The following USP11 variants were observed in gnomAD, a reference collection of about 807,000 sequenced individuals.
The protein encoded by USP11 is ubiquitin carboxyl-terminal hydrolase 11.
Under a neutral mutation model 72.8 loss-of-function variants are expected in USP11, and 5 were observed. The ratio of observed to expected loss-of-function variants is 0.07; its 90% CI spans 0.04 to 0.14. The LOEUF is 0.14. Ranked by LOEUF, USP11 falls within the 10% of genes least tolerant of loss-of-function variation. The pLI is 1.00. For synonymous variants in USP11, 368 were observed against 326.5 expected, an observed-to-expected ratio of 1.13 and a Z score of -1.37; for missense variants, 480 against 794.7, an observed-to-expected ratio of 0.60 and a Z score of 4.76.
intron 19 of USP11, 66 bp downstream of exon 19, chrX:47,247,485 C>A (rs749563878): frequency 2.7e-5 from 32 of 1,170,096 alleles, no homozygotes; most frequent in Non-Finnish European, 3.7e-5. Context: ...TCAGGACCTT[C>A]CCAGTGAGTG....
rs745604815 is a variant in USP11, at chrX:47,247,644, A to G, written c.2570A>G (p.Gln857Arg). The change falls in exon 20 of 21, where the codon CAG (glutamine) becomes CGG (arginine). Residue 857 changes from glutamine to arginine, a missense_variant. Coordinates refer to ENST00000377107, the MANE Select transcript of USP11 (RefSeq NM_001371072.1). Reference protein sequence around the residue: ...TTFACNKDSGQWHYFDDNSVS... With the variant: ...TTFACNKDSGRWHYFDDNSVS... ...TTTGCCTGCAACAAGGACAGCGGCC[A>G]GTGGCACTACTTTGATGACAACAGC... The G allele has an allele frequency of 1.7e-6, 2 of 1,211,497 alleles. No individual in the cohort carries two copies. The highest frequency in any genetic ancestry group is 4.3e-5 in the Admixed American group (2 of 45,988).
intron 9 of USP11, 113 bp downstream of exon 9, chrX:47,241,812 T>TAC: frequency 1.1e-6 from 1 of 934,565 alleles, no homozygotes; most frequent in Non-Finnish European, 1.4e-6. Context: ...TAAGTTTCTC[T>TAC]ACCTGACCTC....
At position 47,241,024 on chromosome X, in the gene USP11, A is replaced by T. The variant is rs1207312031; in HGVS notation, c.846+148A>T. The stretch of plus-strand genomic sequence containing the variant: ...CCCACAAGTCTGAAGTGGCACGCCC[A>T]CGTTCATTCCTGAACTATCAGCCTC... On this transcript the variant is annotated intron_variant, in intron 7 of 20. Transcript: ENST00000377107. 2.0e-5 allele frequency: 12 copies of T among 605,306 alleles called. No individual in the cohort carries two copies. In the East Asian group the frequency reaches 3.9e-4, roughly 20 times the overall value. 49.9% of individuals were successfully genotyped at this position (605,306 alleles called of 1,213,427 possible).
intron 13 of USP11, 99 bp from the exon 14 acceptor site, chrX:47,244,399 T>G: frequency 1.0e-6 from 1 of 991,834 alleles, no homozygotes; most frequent in South Asian, 2.2e-5. Flanking sequence ...GGTTTACATG[T>G]GGATCTACCA....
intron 17 of USP11, 77 bp downstream of exon 17, chrX:47,245,559 T>C: frequency 1.0e-5 from 7 of 688,451 alleles, no homozygotes; most frequent in Non-Finnish European, 1.5e-5. Flanking sequence ...TTTTTTTTTT[T>C]TTGAGACAGA....
In USP11 at chrX:47,248,002, C is replaced by T. The variant is rs193090530; in HGVS notation, c.*72C>T. The T allele has an allele frequency of 2.1e-5, 23 of 1,119,626 alleles. No individual in the cohort carries two copies. Among genetic ancestry groups the T allele is most frequent in the Admixed American group, 1.8e-4 (5 of 27,184 alleles). The allele number at this position is 1,119,626 out of a possible 1,213,427, so 92.3% of individuals were successfully genotyped here. On this transcript the variant is annotated 3_prime_UTR_variant, in exon 21 of 21. Transcript: ENST00000377107. ...GCAATCTCGCTTCTCGTGTCCGCCC[C>T]GCTTCTCTTATTCGTGTTAGGTGCC...
chrX:47,234,423 G>A (rs775289561), intron 1 of USP11, among the ~76,000 whole-genome samples: 3 of 112,111 alleles, frequency 2.7e-5, no homozygotes, highest in Non-Finnish European at 5.6e-5. Flanking sequence ...AAACGTCGGT[G>A]AAATTTTATT....
rs781592315 is a variant in USP11 at position 47,241,190 on chromosome X, C to T, written c.847-87C>T. 2.9e-6 allele frequency: 3 copies of T among 1,028,318 alleles called. No individual in the cohort carries two copies. The East Asian group carries it at 9.3e-5, about 32-fold the overall frequency. The allele number at this position is 1,028,318 out of a possible 1,213,427, so 84.7% of individuals were successfully genotyped here. A position where few individuals can be genotyped will look rare whatever the true frequency, so the allele number is the denominator to read the frequency against. On this transcript the variant is annotated intron_variant, in intron 7 of 20. Transcript: ENST00000377107. ...CCCCTTCTCTCTTGTTTTCCTCTCT[C>T]TTTCCTCCTGGCTTCTTTTTGTGTA...
intron 10 of USP11, 30 bp downstream of exon 10, chrX:47,242,336 A>C (rs753383718): frequency 1.7e-6 from 2 of 1,205,385 alleles, no homozygotes; most frequent in South Asian, 1.8e-5. Flanking sequence ...TGGGGAGATG[A>C]TGATGGACAC....
chrX:47,242,333 A>G (rs760654912), intron 10 of USP11, 27 bp downstream of exon 10: 17 of 1,203,725 alleles, frequency 1.4e-5, no homozygotes, highest in Non-Finnish European at 1.8e-5. Flanking sequence ...GCCTGGGGAG[A>G]TGATGATGGA....
In USP11 at chrX:47,248,101, A is replaced by C; in HGVS notation, c.*171A>C. 1 of 758,400 alleles carries C rather than the reference A, an allele frequency of 1.3e-6. No homozygotes were observed. The highest frequency in any genetic ancestry group is 2.9e-5 in the South Asian group (1 of 34,149). The allele number at this position is 758,400 out of a possible 1,213,427, so 62.5% of individuals were successfully genotyped here. On this transcript the variant is annotated 3_prime_UTR_variant, in exon 21 of 21. Coordinates refer to ENST00000377107, the MANE Select transcript of USP11 (RefSeq NM_001371072.1). ...CTGCATCGCTCTCTCCCGGGAAAGA[A>C]CAGGTCGTGTCTCCTCCTAGCAGTG...
Position 47,240,361 on chromosome X carries a change from C to T in USP11, c.592C>T (p.Arg198Trp). The change falls in exon 5 of 21, where the codon CGG becomes TGG. Residue 198 changes from arginine to tryptophan, a missense_variant. By Grantham distance (101) the Arg-to-Trp change is moderately radical (BLOSUM62 -3). Coordinates refer to ENST00000377107, the MANE Select transcript of USP11 (RefSeq NM_001371072.1). ...TCTGGTGGAGCCCCAGGAAGACACTCGGCTTTGGGCCAAGAACTCAGAAGG... is the reference window on the plus strand; with the variant it reads ...TCTGGTGGAGCCCCAGGAAGACACTTGGCTTTGGGCCAAGAACTCAGAAGG... ...RFLVEPQEDT[R>W]LWAKNSEGSL... The T allele has an allele frequency of 8.3e-7, 1 of 1,211,655 alleles. No homozygotes were observed. The highest frequency in any genetic ancestry group is 1.8e-5 in the South Asian group (1 of 56,941).
chrX:47,239,064 C>T lies in USP11; in HGVS notation c.177-6C>T, dbSNP rs200393959. The T allele has an allele frequency of 1.3e-3, 1,502 of 1,200,572 alleles. 1 individual carries two copies. Among genetic ancestry groups the T allele is most frequent in the Non-Finnish European group, 1.6e-3 (1,421 of 888,814 alleles). ...GTAACACCCTTGTTACCTGTCTGGG[C>T]CCCAGGTTCCTTGTGGAGAAGCACT... On this transcript the variant is annotated splice_region_variant and splice_polypyrimidine_tract_variant and intron_variant, in intron 1 of 20. Transcript: ENST00000377107.
At position 47,244,844 on chromosome X, in the gene USP11, G is replaced by A. The variant is rs775646209; in HGVS notation, c.2006G>A (p.Arg669Gln). The A allele has an allele frequency of 5.1e-5, 62 of 1,209,274 alleles. No individual in the cohort carries two copies. Among genetic ancestry groups the A allele is most frequent in the South Asian group, 1.1e-4 (6 of 56,732 alleles). Residue 669 changes from arginine to glutamine, a missense_variant, in exon 15 of 21, where the codon CGA becomes CAA. Coordinates refer to ENST00000377107, the MANE Select transcript of USP11 (RefSeq NM_001371072.1). ...ACATCTCAGTGGCCCCCAAGGCGAC[G>A]ACGCAAGCAGCTGTTCACCCTGCAG... ...LGTSQWPPRR[R>Q]RKQLFTLQTV... is the part of the protein sequence containing the mutation.
intron 17 of USP11, among the ~76,000 whole-genome samples, chrX:47,246,096 C>A (rs116833625): frequency 3.6e-5 from 4 of 112,161 alleles, no homozygotes; most frequent in Non-Finnish European, 7.5e-5. Context: ...TCCCCACCAT[C>A]CCTCTCCATC....
intron 12 of USP11, 29 bp from the exon 13 acceptor site, chrX:47,243,367 C>G: frequency 4.1e-6 from 5 of 1,207,825 alleles, no homozygotes; most frequent in Non-Finnish European, 5.6e-6. Context: ...GGGCCCTGAT[C>G]AGGTGTGCCT....
chrX:47,245,059 G>A lies in USP11; in HGVS notation c.2130G>A (p.Lys710=), dbSNP rs774193449. 1.7e-6 allele frequency: 2 copies of A among 1,211,703 alleles called. No individual in the cohort carries two copies. Among genetic ancestry groups the A allele is most frequent in the Non-Finnish European group, 2.2e-6 (2 of 895,440 alleles). Residue 710 remains lysine (K), a synonymous_variant, in exon 16 of 21, where the codon AAG becomes AAA. Transcript: ENST00000377107. ...IAIDWEPEMK[K]RYYDEVEAEG... is the part of the protein sequence containing the mutation. ...TCGACTGGGAGCCAGAGATGAAGAA[G>A]CGTTACTATGACGAGGTAGAGGCTG...
At chrX:47,245,524 G>C in intron 17 of USP11, 42 bp downstream of exon 17, 1 of 877,078 alleles carries the variant, frequency 1.1e-6, no homozygotes, top group South Asian at 2.2e-5. Context: ...GGTTTCATTG[G>C]ATGGAACTAC....
Position 47,242,074 on chromosome X carries a change from A to G in USP11, c.1180-8A>G, listed in dbSNP as rs1486524136. The G allele has an allele frequency of 5.8e-6, 7 of 1,206,939 alleles. No homozygotes were observed. Among genetic ancestry groups the G allele is most frequent in the South Asian group, 1.8e-5 (1 of 56,205 alleles). On this transcript the variant is annotated splice_region_variant and splice_polypyrimidine_tract_variant and intron_variant, in intron 9 of 20. Coordinates refer to ENST00000377107, the MANE Select transcript of USP11 (RefSeq NM_001371072.1). ...AAGCCCCACCACCCACCATGACACT[A>G]TCAACAGGAGGTGGCACAGGAGGCA...
Sources: gnomAD v4.1 joint callset for allele counts (sites outside exome capture counted in the v4.1 genomes callset) on GRCh38, gnomAD v4.1.1 for gene constraint, MANE v1.5 for transcripts, NCBI Gene and HGNC (gene_info 2026-07-23, HGNC 2026-07-21) for gene names.